Variants in WDR89 observed in about 807,000 individuals in gnomAD.
The protein encoded by WDR89 is WD repeat domain 89, also known as WD repeat-containing protein 89.
A neutral mutation model predicts 29.1 loss-of-function variants in WDR89; 17 were observed. That is an observed-to-expected ratio of 0.58 (90% confidence interval 0.40 to 0.88). The LOEUF is 0.88. Among genes scored for constraint, WDR89 ranks in the 40% least tolerant of loss-of-function variants. The pLI, the probability that WDR89 is intolerant of heterozygous loss-of-function variation, is 0.00. For missense variants in WDR89, 396 were observed against 456.3 expected (o/e 0.87, Z 1.20); for synonymous variants, 138 against 157.8 (o/e 0.87, Z 0.94).
intron 1 of WDR89, among the ~76,000 whole-genome samples, chr14:63,626,676 C>CAAGAAA: frequency 2.9e-5 from 1 of 34,588 alleles, no homozygotes; most frequent in South Asian, 1.3e-3. Context: ...GAGACTGTCT[C>CAAGAAA]AAAAAAAAAA....
chr14:63,606,008 CTTT>C (rs907356786), intron 2 of WDR89, among the ~76,000 whole-genome samples: 3 of 146,612 alleles, frequency 2.0e-5, no homozygotes, highest in Admixed American at 1.4e-4. Context: ...CTTTTTTCTT[CTTT>C]TTTTTTTTGG....
chr14:63,630,819 A>C (rs1883353589), intron 1 of WDR89: 1 of 150,154 alleles, frequency 6.7e-6, no homozygotes, highest in South Asian at 2.1e-4. Flanking sequence ...TGTGAGACAC[A>C]GTCTTGCACT....
Position 63,641,104 on chromosome 14 carries a change from AAAAAAAAAAAAG to A in WDR89, c.-138+688_-138+699del, listed in dbSNP as rs1396075562. The stretch of plus-strand genomic sequence containing the variant: ...CAGCCTGAGACTCCATCTCAAAAAA[AAAAAAAAAAAAG>A]AAAAAGAAAAAGAAAAACAAAAAAG... On this transcript the variant is annotated intron_variant, in intron 1 of 2. Coordinates refer to ENST00000620954, the MANE Select transcript of WDR89 (RefSeq NM_080666.4). Among the ~76,000 whole-genome samples, 444 of 151,100 alleles carry A rather than the reference AAAAAAAAAAAAG, an allele frequency of 2.9e-3. 3 individuals are homozygous for A. The highest frequency in any genetic ancestry group is 9.0e-3 in the African/African-American group (370 of 41,290).
At chr14:63,627,146 ACACACTCTCTCTCT>A (rs1159488952) in intron 1 of WDR89, among the ~76,000 whole-genome samples, 34 of 130,576 alleles carry the variant, frequency 2.6e-4, no homozygotes, top group African/African-American at 1.0e-3. Context: ...ACACACACAC[ACACACTCTCTCTCT>A]CTCTCTCTCT....
intron 1 of WDR89, among the ~76,000 whole-genome samples, chr14:63,629,915 C>A (rs568671311): frequency 6.6e-6 from 1 of 152,048 alleles, no homozygotes; most frequent in Non-Finnish European, 1.5e-5. Context: ...TGGAAGGGGT[C>A]GGTAGCAAAA....
At chr14:63,621,622 T>C (rs1882700956) in intron 2 of WDR89, 1 of 152,094 alleles carries the variant, frequency 6.6e-6, no homozygotes, top group Non-Finnish European at 1.5e-5. Context: ...ACTACAGTCT[T>C]CGCATCAAAA....
intron 1 of WDR89, among the ~76,000 whole-genome samples, chr14:63,637,491 G>A (rs1883810331): frequency 6.6e-6 from 1 of 152,176 alleles, no homozygotes; most frequent in South Asian, 2.1e-4. Context: ...ATTCACAACT[G>A]CATAATCGTG....
chr14:63,628,024 C>T (rs1427030970), intron 1 of WDR89, among the ~76,000 whole-genome samples: 2 of 152,108 alleles, frequency 1.3e-5, no homozygotes, highest in Admixed American at 6.6e-5. Context: ...TCCCTTGAGC[C>T]CAGGAGTTTG....
intron 1 of WDR89, among the ~76,000 whole-genome samples, chr14:63,634,951 T>A (rs1302429070): frequency 6.7e-6 from 1 of 150,316 alleles, no homozygotes; most frequent in Non-Finnish European, 1.5e-5. Flanking sequence ...GGCAGGAGAA[T>A]CGCTTGAACC....
chr14:63,621,435 T>C (rs995777796), intron 2 of WDR89, among the ~76,000 whole-genome samples: 5 of 151,904 alleles, frequency 3.3e-5, no homozygotes, highest in Non-Finnish European at 7.4e-5. Context: ...CCATCTCTAC[T>C]AAAAATACAT....
Position 63,623,981 on chromosome 14 carries a change from G to A in WDR89, c.-32+947C>T, listed in dbSNP as rs138417672. ...CTAATATGAGACAAATGAGAAGTCA[G>A]AACAGAGAATATTAACTCAAAATGG... On this transcript the variant is annotated intron_variant, in intron 2 of 2. Coordinates refer to ENST00000620954, the MANE Select transcript of WDR89 (RefSeq NM_080666.4). 1.6e-3 allele frequency among the ~76,000 whole-genome samples: 242 copies of A among 152,094 alleles called. 1 individual carries two copies. Among genetic ancestry groups the A allele is most frequent in the African/African-American group, 5.6e-3 (231 of 41,496 alleles).
chr14:63,621,418 T>C (rs528659136), intron 2 of WDR89, among the ~76,000 whole-genome samples: 19 of 152,024 alleles, frequency 1.2e-4, no homozygotes, highest in Non-Finnish European at 2.4e-4. Flanking sequence ...ACCAACATGG[T>C]GAAACCCCAT....
chr14:63,624,505 A>G (rs994723971), intron 2 of WDR89, among the ~76,000 whole-genome samples: 1 of 140,026 alleles, frequency 7.1e-6, no homozygotes, highest in Non-Finnish European at 1.5e-5. Flanking sequence ...AACAAAAAGA[A>G]ATATTTAAAA....
intron 1 of WDR89, among the ~76,000 whole-genome samples, chr14:63,631,391 G>A (rs1883390640): frequency 6.6e-6 from 1 of 152,002 alleles, no homozygotes; most frequent in Admixed American, 6.6e-5. Context: ...TTTGCACAGA[G>A]TCTTAACTCT....
At chr14:63,615,095 T>C (rs1882224576) in intron 2 of WDR89, among the ~76,000 whole-genome samples, 1 of 152,242 alleles carries the variant, frequency 6.6e-6, no homozygotes, top group Non-Finnish European at 1.5e-5. Context: ...TGTGAGATTA[T>C]GCTGCAGGTT....
intron 2 of WDR89, among the ~76,000 whole-genome samples, chr14:63,611,564 T>A (rs917624445): frequency 1.3e-5 from 2 of 151,948 alleles, no homozygotes; most frequent in Non-Finnish European, 2.9e-5. Flanking sequence ...TCTTAGTTAA[T>A]AGTATTATTC....
At chr14:63,602,635 G>GGT (rs999731551) in intron 2 of WDR89, among the ~76,000 whole-genome samples, 3 of 149,388 alleles carry the variant, frequency 2.0e-5, no homozygotes, top group African/African-American at 4.9e-5. Context: ...AGCCAGGCGT[G>GGT]GTGGCACATG....
chr14:63,624,047 T>C (rs1218359913), intron 2 of WDR89, among the ~76,000 whole-genome samples: 1 of 152,008 alleles, frequency 6.6e-6, no homozygotes, highest in Non-Finnish European at 1.5e-5. Flanking sequence ...ACAAAACTTA[T>C]AAGAGAAAAA....
At chr14:63,623,703 CAAAAAAAAA>C (rs34839479) in intron 2 of WDR89, among the ~76,000 whole-genome samples, 2 of 39,068 alleles carry the variant, frequency 5.1e-5, no homozygotes, top group South Asian at 1.5e-3. Flanking sequence ...GACTCTGTCT[CAAAAAAAAA>C]AAAAAAAAAA....
Sources: allele counts gnomAD v4.1 joint callset (sites outside exome capture counted in the v4.1 genomes callset), GRCh38; gene constraint gnomAD v4.1.1; transcripts MANE v1.5; gene names NCBI Gene and HGNC (gene_info 2026-07-23, HGNC 2026-07-21).